The following ZMIZ1 variants were observed in gnomAD, a reference collection of about 807,000 sequenced individuals.
The protein encoded by ZMIZ1 is zinc finger MIZ domain-containing protein 1.
ZMIZ1 carries 17 observed loss-of-function variants against 113.9 expected under a neutral mutation model. That is an observed-to-expected ratio of 0.15 (90% CI 0.10 to 0.22). The LOEUF (loss-of-function observed/expected upper bound fraction) is 0.22. Ranked by LOEUF, ZMIZ1 falls within the 10% of genes least tolerant of loss-of-function variation. ZMIZ1 has a pLI of 1.00. For synonymous variants in ZMIZ1, 607 were observed against 603.1 expected (o/e 1.01, Z -0.09); for missense variants, 1,059 against 1,477.8 (o/e 0.72, Z 4.65).
At chr10:79,179,642 C>T (rs1847028132) in intron 4 of ZMIZ1, among the ~76,000 whole-genome samples, 2 of 152,264 alleles carry the variant, frequency 1.3e-5, no homozygotes, top group Non-Finnish European at 2.9e-5. Context: ...CCCCACGCAC[C>T]GTCTCCCTGC....
intron 8 of ZMIZ1, among the ~76,000 whole-genome samples, chr10:79,278,491 G>T (rs999121857): frequency 6.6e-6 from 1 of 151,314 alleles, no homozygotes; most frequent in Non-Finnish European, 1.5e-5. Flanking sequence ...CGGAGAGGGG[G>T]ATTTGGCAGG....
At chr10:79,095,576 T>C (rs868163740) in intron 1 of ZMIZ1, among the ~76,000 whole-genome samples, 2 of 152,228 alleles carry the variant, frequency 1.3e-5, no homozygotes, top group Non-Finnish European at 2.9e-5. Context: ...CTTACCTGAC[T>C]GCTCTGAGTG....
chr10:79,199,566 G>C (rs1445601954), intron 4 of ZMIZ1, among the ~76,000 whole-genome samples: 1 of 152,168 alleles, frequency 6.6e-6, no homozygotes, highest in South Asian at 2.1e-4. Context: ...TCATCAAGAG[G>C]GGGGAAAAGA....
intron 7 of ZMIZ1, among the ~76,000 whole-genome samples, chr10:79,246,683 C>G (rs1430881999): frequency 6.6e-6 from 1 of 152,194 alleles, no homozygotes; most frequent in East Asian, 1.9e-4. Flanking sequence ...GCCCTCCTTC[C>G]CCAAGCCTCG....
intron 7 of ZMIZ1, among the ~76,000 whole-genome samples, chr10:79,269,754 C>T (rs1363473443): frequency 6.6e-6 from 1 of 152,170 alleles, no homozygotes; most frequent in African/African-American, 2.4e-5. Flanking sequence ...GTCCGCACCT[C>T]CCCTTGCCTG....
intron 3 of ZMIZ1, among the ~76,000 whole-genome samples, chr10:79,159,492 C>A (rs763583013): frequency 6.6e-6 from 1 of 152,184 alleles, no homozygotes; most frequent in African/African-American, 2.4e-5. Context: ...TGCCGCATAG[C>A]GGGCAGACTG....
chr10:79,121,483 T>C (rs887782874), intron 2 of ZMIZ1, among the ~76,000 whole-genome samples: 8 of 152,250 alleles, frequency 5.3e-5, no homozygotes, highest in African/African-American at 1.9e-4. Flanking sequence ...GGCTATTCTC[T>C]GGGGTCTGCT....
In ZMIZ1 at chr10:79,316,496, T is replaced by C. The variant is rs1173189136; in HGVS notation, c.*3747T>C. Reference sequence around the variant, plus strand: ...TCTCATTTGCCCATGTTAATTTTTTTCTAAATAAATTGACAAAAACAAAGG... The same window carrying C: ...TCTCATTTGCCCATGTTAATTTTTTCCTAAATAAATTGACAAAAACAAAGG... On this transcript the variant is annotated 3_prime_UTR_variant, in exon 25 of 25. Transcript: ENST00000334512. The C allele has an allele frequency of 1.3e-5, 2 of 152,762 alleles. No individual in the cohort carries two copies. Among genetic ancestry groups the C allele is most frequent in the Non-Finnish European group, 2.9e-5 (2 of 68,052 alleles). The allele number at this position is 152,762 out of a possible 1,614,324, so 9.5% of individuals were successfully genotyped here.
At chr10:79,194,391 C>A (rs978059532) in intron 4 of ZMIZ1, among the ~76,000 whole-genome samples, 1 of 152,248 alleles carries the variant, frequency 6.6e-6, no homozygotes, top group Non-Finnish European at 1.5e-5. Flanking sequence ...ACTAGTGAGG[C>A]CTCAAAGGTG....
chr10:79,293,861 T>C (rs1246167709), intron 12 of ZMIZ1: 4 of 741,458 alleles, frequency 5.4e-6, no homozygotes, highest in Admixed American at 2.4e-5. Context: ...TCACCCTGCC[T>C]CCTAGGGCTG....
intron 7 of ZMIZ1, among the ~76,000 whole-genome samples, chr10:79,238,467 C>G (rs779692436): frequency 6.6e-6 from 1 of 152,084 alleles, no homozygotes; most frequent in African/African-American, 2.4e-5. Flanking sequence ...CAGGTGGAGC[C>G]CCAGCAAACT....
At chr10:79,199,119 G>A (rs1436451651) in intron 4 of ZMIZ1, among the ~76,000 whole-genome samples, 1 of 152,098 alleles carries the variant, frequency 6.6e-6, no homozygotes, top group Non-Finnish European at 1.5e-5. Context: ...TTGTCTGAGG[G>A]CTCAAGCCTT....
chr10:79,077,918 G>C (rs1224311880), intron 1 of ZMIZ1, among the ~76,000 whole-genome samples: 1 of 152,192 alleles, frequency 6.6e-6, no homozygotes. Context: ...CAGATGAGAC[G>C]GTGAAGTCGA....
rs145690341 is a variant in ZMIZ1 at position 79,282,365 on chromosome 10, G to A, written c.425+5040G>A. Among the ~76,000 whole-genome samples the A allele has an allele frequency of 4.6e-5, 7 of 152,322 alleles. No homozygotes were observed. The East Asian group carries it at 5.8e-4, about 13-fold the overall frequency. On this transcript the variant is annotated intron_variant, in intron 8 of 24. Transcript: ENST00000334512. Reference sequence around the variant, plus strand: ...CTGGGACAGTTGAGATTTGATGCCCGCAGGTATCTGGCTGTTTGAAGGCTC... The same window carrying A: ...CTGGGACAGTTGAGATTTGATGCCCACAGGTATCTGGCTGTTTGAAGGCTC...
intron 3 of ZMIZ1, among the ~76,000 whole-genome samples, chr10:79,156,824 C>T (rs891589914): frequency 3.3e-5 from 5 of 152,188 alleles, no homozygotes; most frequent in Non-Finnish European, 7.3e-5. Context: ...TACTGCTCTT[C>T]GGTGAAAAGA....
intron 1 of ZMIZ1, among the ~76,000 whole-genome samples, chr10:79,106,315 T>C (rs1271988572): frequency 1.3e-5 from 2 of 152,310 alleles, no homozygotes; most frequent in South Asian, 2.1e-4. Context: ...TCAAGTGCTG[T>C]AGGTTTTGTC....
intron 7 of ZMIZ1, among the ~76,000 whole-genome samples, chr10:79,233,829 T>C (rs1029773151): frequency 2.0e-5 from 3 of 152,212 alleles, no homozygotes; most frequent in Admixed American, 2.0e-4. Flanking sequence ...TTTGCAGCAG[T>C]TTCCCCTCCT....
In ZMIZ1 at chr10:79,096,268, T is replaced by C. The variant is rs558420785; in HGVS notation, c.-336-22647T>C. Among the ~76,000 whole-genome samples the C allele has an allele frequency of 2.0e-5, 3 of 152,186 alleles. No individual in the cohort carries two copies. In the South Asian group the frequency reaches 6.2e-4, roughly 32 times the overall value. Reference sequence around the variant, plus strand: ...GCTCACGCCTGTAATACCAGCACTTTGGGAGGCCGAGACAGGCGGATCACA... The same window carrying C: ...GCTCACGCCTGTAATACCAGCACTTCGGGAGGCCGAGACAGGCGGATCACA... On this transcript the variant is annotated intron_variant, in intron 1 of 24. Coordinates refer to ENST00000334512, the MANE Select transcript of ZMIZ1 (RefSeq NM_020338.4).
intron 7 of ZMIZ1, among the ~76,000 whole-genome samples, chr10:79,261,109 TC>T (rs2131902129): frequency 6.6e-6 from 1 of 152,160 alleles, no homozygotes; most frequent in South Asian, 2.1e-4. Flanking sequence ...GCACTCCGGC[TC>T]CCCCAAGGGT....
Sources: allele counts gnomAD v4.1 joint callset (sites outside exome capture counted in the v4.1 genomes callset), GRCh38; gene constraint gnomAD v4.1.1; transcripts MANE v1.5; gene names NCBI Gene and HGNC (gene_info 2026-07-23, HGNC 2026-07-21).